USH2A: variants seen among roughly 807,000 people sequenced by gnomAD.
USH2A encodes the protein Usher syndrome 2A (autosomal recessive, mild).
In USH2A, 443 loss-of-function variants were observed where a neutral mutation model predicts 538.9. The ratio of observed to expected loss-of-function variants is 0.82; its 90% CI spans 0.76 to 0.89. The LOEUF (loss-of-function observed/expected upper bound fraction) is 0.89. USH2A is among the 40% of genes least tolerant of loss of function. The probability of loss-of-function intolerance (pLI) is 0.00; values close to 1 mark genes in which losing one functional copy is unlikely to be tolerated. For synonymous variants in USH2A, 2,413 were observed against 2,273.5 expected (o/e 1.06, Z -1.75); for missense variants, 6,633 against 6,324.8 (o/e 1.05, Z -1.65).
Position 215,648,722 on chromosome 1 carries a change from T to A in USH2A, c.14388A>T (p.Gln4796His). ...MATQQTLHGL[Q>H]AFTNYSIGVE... ...CTCCAATAGAGTAGTTAGTGAAGGCTTGAAGGCCATGGAGAGTCTGCTGGG... is the reference window on the plus strand; with the variant it reads ...CTCCAATAGAGTAGTTAGTGAAGGCATGAAGGCCATGGAGAGTCTGCTGGG... The change falls in exon 66 of 72, where the codon CAA becomes CAT. Residue 4796 changes from glutamine (Q) to histidine (H), a missense_variant. By Grantham distance (24) the Gln-to-His change is conservative. Coordinates refer to ENST00000307340, the MANE Select transcript of USH2A (RefSeq NM_206933.4). The A allele has an allele frequency of 6.2e-7, 1 of 1,614,170 alleles. No individual in the cohort carries two copies. The highest frequency in any genetic ancestry group is 8.5e-7 in the Non-Finnish European group (1 of 1,180,034).
chr1:216,189,526 T>C (rs2034672674), intron 20 of USH2A, among the ~76,000 whole-genome samples: 1 of 152,024 alleles, frequency 6.6e-6, no homozygotes, highest in South Asian at 2.1e-4. Context: ...TACTAATACA[T>C]GTAATCAGGT....
intron 21 of USH2A, among the ~76,000 whole-genome samples, chr1:216,117,164 A>G (rs2033028115): frequency 6.6e-6 from 1 of 152,140 alleles, no homozygotes; most frequent in Non-Finnish European, 1.5e-5. Flanking sequence ...CTAAAATGGC[A>G]TTGTGGAGGC....
At chr1:216,373,588 G>A (rs989911296) in intron 3 of USH2A, among the ~76,000 whole-genome samples, 15 of 152,176 alleles carry the variant, frequency 9.9e-5, no homozygotes, top group East Asian at 1.9e-4. Context: ...CCTGAATACC[G>A]CAACGTGTAT....
chr1:215,716,626 C>A (rs1659496232), intron 61 of USH2A, among the ~76,000 whole-genome samples: 1 of 152,218 alleles, frequency 6.6e-6, no homozygotes, highest in South Asian at 2.1e-4. Flanking sequence ...TGTAATTTTA[C>A]TATCTAGACA....
At chr1:216,214,114 C>T (rs777818709) in intron 15 of USH2A, among the ~76,000 whole-genome samples, 9 of 151,992 alleles carry the variant, frequency 5.9e-5, no homozygotes, top group Non-Finnish European at 1.2e-4. Flanking sequence ...TAAAATAATA[C>T]AGCCATGTTG....
intron 21 of USH2A, among the ~76,000 whole-genome samples, chr1:216,118,374 A>G (rs1211803427): frequency 6.6e-6 from 1 of 152,178 alleles, no homozygotes; most frequent in East Asian, 1.9e-4. Flanking sequence ...GAATACCTGC[A>G]AAGTCCAAGA....
chr1:215,790,199 T>C lies in USH2A; in HGVS notation c.10042A>G (p.Ile3348Val), dbSNP rs1198189028. ...SASSGESKAH[I>V]KKNDPVPVKC... is the part of the protein sequence containing the mutation. Reference sequence around the variant, plus strand: ...ACTGGCACCGGGTCATTCTTTTTAATATGTGCTTTAGACTCTCCACTGGAA... The same window carrying C: ...ACTGGCACCGGGTCATTCTTTTTAACATGTGCTTTAGACTCTCCACTGGAA... Residue 3348 changes from isoleucine to valine, a missense_variant, in exon 51 of 72, where the codon ATT becomes GTT. Physicochemically the swap from Ile to Val is conservative, Grantham distance 29. Transcript: ENST00000307340. The C allele has an allele frequency of 5.0e-6, 8 of 1,614,132 alleles. No homozygotes were observed. In the Middle Eastern group the frequency reaches 4.9e-4, roughly 100 times the overall value.
chr1:215,650,501 T>C (rs954780468), intron 65 of USH2A, 91 bp downstream of exon 65: 17 of 1,463,330 alleles, frequency 1.2e-5, no homozygotes, highest in Middle Eastern at 1.8e-4. Flanking sequence ...ATAAGAAAGA[T>C]GGAGGGAAAA....
At chr1:216,186,039 G>A (rs2034593256) in intron 20 of USH2A, among the ~76,000 whole-genome samples, 1 of 151,472 alleles carries the variant, frequency 6.6e-6, no homozygotes, top group Non-Finnish European at 1.5e-5. Flanking sequence ...CTGCTGGGCA[G>A]GTGAAGAATC....
At chr1:215,824,759 C>T (rs576495843) in intron 47 of USH2A, among the ~76,000 whole-genome samples, 14 of 152,252 alleles carry the variant, frequency 9.2e-5, no homozygotes, top group African/African-American at 3.1e-4. Flanking sequence ...TAACCTAAGA[C>T]GGTCGGGAAA....
chr1:216,188,176 ACAT>A (rs148974976), intron 20 of USH2A, among the ~76,000 whole-genome samples: 3,837 of 151,912 alleles, frequency 0.025, 170 homozygotes, highest in African/African-American at 0.086. Context: ...GCACCCAGGT[ACAT>A]CATCTTTTAC....
rs1656408131 is a variant in USH2A at position 215,634,469 on chromosome 1, TC to T, written c.15286del (p.Glu5096LysfsTer6). 2 of 1,614,068 alleles carry T rather than the reference TC, an allele frequency of 1.2e-6. No homozygotes were observed. The highest frequency in any genetic ancestry group is 3.3e-5 in the Admixed American group (2 of 60,002). On this transcript the variant is annotated frameshift_variant, in exon 70 of 72. Transcript: ENST00000307340. LOFTEE classifies it high-confidence loss of function. ...CCTCTACAAACATACCATATGGTTT[TC>T]CCCCGGTGGGTAAACATTCAATGGA... Reference protein sequence around the residue: ...MSPLNVYPPGENHMGLADTKI... With the variant: ...MSPLNVYPPGXNHMGLADTKI...
intron 9 of USH2A, among the ~76,000 whole-genome samples, chr1:216,306,770 G>A (rs941120959): frequency 2.0e-5 from 3 of 152,160 alleles, no homozygotes; most frequent in African/African-American, 7.2e-5. Flanking sequence ...GTGCCTTCCT[G>A]AGAGCTGAAC....
chr1:216,418,462 A>G, intron 3 of USH2A, 52 bp downstream of exon 3: 1 of 1,598,894 alleles, frequency 6.3e-7, no homozygotes, highest in Non-Finnish European at 8.5e-7. Flanking sequence ...GAGAGAAAGG[A>G]AGACAAATCC....
intron 30 of USH2A, among the ~76,000 whole-genome samples, chr1:216,050,715 C>T (rs1223284102): frequency 1.3e-5 from 2 of 150,716 alleles, no homozygotes; most frequent in East Asian, 3.9e-4. Flanking sequence ...AGCCATTCTC[C>T]TGCCTCAGCC....
intron 19 of USH2A, chr1:216,195,855 T>A (rs2034829321): frequency 6.0e-6 from 1 of 167,118 alleles, no homozygotes; most frequent in Non-Finnish European, 1.5e-5. Context: ...GCTGGTAAAA[T>A]GGGCAGAGAG....
At chr1:215,789,134 T>G (rs1443645865) in intron 51 of USH2A, among the ~76,000 whole-genome samples, 1 of 152,214 alleles carries the variant, frequency 6.6e-6, no homozygotes, top group Non-Finnish European at 1.5e-5. Flanking sequence ...TGAACATTAT[T>G]ATGTATACAC....
intron 32 of USH2A, among the ~76,000 whole-genome samples, chr1:216,028,076 T>A (rs1279786558): frequency 2.0e-5 from 3 of 152,100 alleles, no homozygotes; most frequent in Non-Finnish European, 2.9e-5. Flanking sequence ...CTTATACACA[T>A]CATTGGGTAA....
chr1:216,129,507 G>C (rs1052325364), intron 21 of USH2A, among the ~76,000 whole-genome samples: 6 of 151,458 alleles, frequency 4.0e-5, no homozygotes, highest in African/African-American at 1.2e-4. Flanking sequence ...CTAAAGAAGT[G>C]AAAAATCTCT....
Sources: allele counts gnomAD v4.1 joint callset (sites outside exome capture counted in the v4.1 genomes callset), GRCh38; gene constraint gnomAD v4.1.1; transcripts MANE v1.5; gene names NCBI Gene and HGNC (gene_info 2026-07-23, HGNC 2026-07-21).